Variants in NLRC3 observed in about 807,000 individuals in gnomAD.
NLRC3 encodes the protein NLR family CARD domain-containing protein 3.
NLRC3 carries 87 observed loss-of-function variants against 91.6 expected under a neutral mutation model. The ratio of observed to expected loss-of-function variants is 0.95; its 90% CI spans 0.80 to 1.14. The LOEUF (loss-of-function observed/expected upper bound fraction) is 1.14, where lower values mean the gene tolerates loss of function less well. Ranked by LOEUF, NLRC3 falls within the 50% of genes most tolerant of loss-of-function variation. NLRC3 has a pLI of 0.00. For missense variants in NLRC3, 1,577 were observed against 1,418.6 expected (o/e 1.11, Z -1.79); for synonymous variants, 694 against 625.3 (o/e 1.11, Z -1.64).
Position 3,556,784 on chromosome 16 carries a change from T to G in NLRC3, c.2183+127A>C, listed in dbSNP as rs1037411781. On this transcript the variant is annotated intron_variant, in intron 8 of 19. Coordinates refer to ENST00000359128, the MANE Select transcript of NLRC3 (RefSeq NM_178844.4). ...TCCCAAAGGGTTGGGATTACAGATG[T>G]GAGCCACTGTGCCCGGCCCCATGCC... 3.1e-5 allele frequency: 21 copies of G among 671,062 alleles called. No individual in the cohort carries two copies. In the African/African-American group the frequency reaches 3.6e-4, roughly 12 times the overall value. 41.6% of individuals were successfully genotyped at this position (671,062 alleles called of 1,614,324 possible). A position where few individuals can be genotyped will look rare whatever the true frequency, so the allele number is the denominator to read the frequency against.
chr16:3,574,798 C>T (rs530729043), intron 1 of NLRC3, among the ~76,000 whole-genome samples: 3 of 152,134 alleles, frequency 2.0e-5, no homozygotes, highest in East Asian at 3.9e-4. Context: ...CCCATCTCTA[C>T]GAAAAATACA....
At chr16:3,575,984 C>A (rs1305549519) in intron 1 of NLRC3, among the ~76,000 whole-genome samples, 1 of 152,166 alleles carries the variant, frequency 6.6e-6, no homozygotes, top group African/African-American at 2.4e-5. Flanking sequence ...AAAAGCCTTC[C>A]CGAAGGAAGA....
intron 13 of NLRC3, 60 bp from the exon 14 acceptor site, chr16:3,548,813 T>C: frequency 1.7e-6 from 2 of 1,206,318 alleles, no homozygotes; most frequent in Non-Finnish European, 2.4e-6. Flanking sequence ...CTCCGGTCCT[T>C]GGTCACCAGG....
intron 15 of NLRC3, among the ~76,000 whole-genome samples, chr16:3,546,689 C>T (rs963581299): frequency 1.3e-5 from 2 of 152,176 alleles, no homozygotes; most frequent in South Asian, 2.1e-4. Flanking sequence ...AATGCAGGGA[C>T]CCTGCACCCG....
At chr16:3,552,593 C>A (rs1366013737) in intron 9 of NLRC3, among the ~76,000 whole-genome samples, 1 of 152,142 alleles carries the variant, frequency 6.6e-6, no homozygotes, top group African/African-American at 2.4e-5. Flanking sequence ...CTCTCTGGTG[C>A]CTTACCTGCA....
chr16:3,553,509 C>G (rs1045383410), intron 9 of NLRC3, among the ~76,000 whole-genome samples: 1 of 152,144 alleles, frequency 6.6e-6, no homozygotes, highest in Admixed American at 6.6e-5. Context: ...TTAGGATAAA[C>G]GGCAAATGGT....
intron 13 of NLRC3, 122 bp downstream of exon 13, chr16:3,549,020 C>A (rs1217188875): frequency 3.8e-6 from 3 of 793,624 alleles, no homozygotes; most frequent in Non-Finnish European, 6.4e-6. Flanking sequence ...CCTGGCTGCA[C>A]CCTCCCCAGC....
At chr16:3,555,951 T>C (rs2039294371) in intron 8 of NLRC3, 1 of 147,638 alleles carries the variant, frequency 6.8e-6, no homozygotes, top group African/African-American at 2.5e-5. Context: ...AATAAATAAA[T>C]AAATAAATAA....
Position 3,539,146 on chromosome 16 carries a change from C to G in NLRC3, c.*2679G>C, listed in dbSNP as rs1197522329. 6.6e-6 allele frequency: 1 copy of G among 152,064 alleles called. No individual in the cohort carries two copies. Among genetic ancestry groups the G allele is most frequent in the Non-Finnish European group, 1.5e-5 (1 of 68,016 alleles). The allele number at this position is 152,064 out of a possible 1,614,324, so 9.4% of individuals were successfully genotyped here. ...TTTAGCGTACAAGAAGAAATAGATCCCTCTCATTAGCACTTTAATATCAGT... is the reference window on the plus strand; with the variant it reads ...TTTAGCGTACAAGAAGAAATAGATCGCTCTCATTAGCACTTTAATATCAGT... On this transcript the variant is annotated 3_prime_UTR_variant, in exon 20 of 20. Coordinates refer to ENST00000359128, the MANE Select transcript of NLRC3 (RefSeq NM_178844.4).
chr16:3,547,729 C>T (rs148064958), intron 15 of NLRC3, among the ~76,000 whole-genome samples: 9 of 152,236 alleles, frequency 5.9e-5, no homozygotes, highest in Non-Finnish European at 1.0e-4. Flanking sequence ...AGTGCAGTGA[C>T]GCGATCTCTG....
At chr16:3,561,085 C>T (rs1010296535) in intron 6 of NLRC3, among the ~76,000 whole-genome samples, 1 of 151,934 alleles carries the variant, frequency 6.6e-6, no homozygotes, top group Admixed American at 6.6e-5. Flanking sequence ...GGTGCAGTAG[C>T]TCACGCCAGT....
Position 3,541,899 on chromosome 16 carries a change from T to G in NLRC3, c.3124A>C (p.Ile1042Leu). 1 of 1,609,868 alleles carries G rather than the reference T, an allele frequency of 6.2e-7. No individual in the cohort carries two copies. Among genetic ancestry groups the G allele is most frequent in the Non-Finnish European group, 8.5e-7 (1 of 1,177,106 alleles). ...LQHINLQGNH[I>L]GDSGARMISE... The stretch of plus-strand genomic sequence containing the variant: ...ATCATCCTGGCCCCGGAGTCCCCAA[T>G]GTGGTTTCCCTGGAGACTAGAAGAG... Residue 1042 changes from isoleucine to leucine, a missense_variant, in exon 20 of 20, where the codon ATT (isoleucine) becomes CTT (leucine). By Grantham distance (5) the Ile-to-Leu change is conservative. Coordinates refer to ENST00000359128, the MANE Select transcript of NLRC3 (RefSeq NM_178844.4).
At position 3,563,924 on chromosome 16, in the gene NLRC3, G is replaced by A. The variant is rs555002857; in HGVS notation, c.1013C>T (p.Ala338Val). ...CCTGCTGCGCCACAGGTGGCCTAGC[G>A]CCATCCCCGTGAGCCTGCAGAAGGC... ...VPAFCRLTGM[A>V]LGHLWRSRTG... Residue 338 changes from alanine to valine, a missense_variant, in exon 5 of 20, where the codon GCG becomes GTG. Coordinates refer to ENST00000359128, the MANE Select transcript of NLRC3 (RefSeq NM_178844.4). The A allele has an allele frequency of 1.6e-5, 26 of 1,593,310 alleles. No homozygotes were observed. The highest frequency in any genetic ancestry group is 8.0e-5 in the South Asian group (7 of 87,986).
At position 3,564,570 on chromosome 16, in the gene NLRC3, C is replaced by A. The variant is rs200381538; in HGVS notation, c.367G>T (p.Ala123Ser). The A allele has an allele frequency of 1.2e-6, 2 of 1,611,464 alleles. No homozygotes were observed. Among genetic ancestry groups the A allele is most frequent in the Admixed American group, 1.7e-5 (1 of 59,962 alleles). ...RGGGHPARTV[A>S]LDRLFLPLSR... The stretch of plus-strand genomic sequence containing the variant: ...AGAGGCAGGAAGAGCCGGTCCAGGG[C>A]GACGGTCCTGGCGGGGTGCCCGCCC... The change falls in exon 5 of 20, where the codon GCC becomes TCC. Residue 123 changes from alanine to serine, a missense_variant. Ala to Ser is a moderately conservative substitution (Grantham distance 99, BLOSUM62 1). Coordinates refer to ENST00000359128, the MANE Select transcript of NLRC3 (RefSeq NM_178844.4). The surrounding 1 kb of genome is among the most constrained non-coding windows in gnomAD (Gnocchi z 5.9).
chr16:3,543,443 C>T lies in NLRC3; in HGVS notation c.2921G>A (p.Arg974Lys). ...TACTTACTCGAGAATCTCCAAGGTT[C>T]TGTTCACAGCCAAGGCTTCCCCTAG... The part of the protein sequence containing the change: ...QVLGEALAVN[R>K]TLEILDLRGN... Residue 974 changes from arginine (R) to lysine (K), a missense_variant, in exon 17 of 20, where the codon AGA (arginine) becomes AAA (lysine). Physicochemically the swap from Arg to Lys is conservative, Grantham distance 26. Coordinates refer to ENST00000359128, the MANE Select transcript of NLRC3 (RefSeq NM_178844.4). 1 of 1,612,278 alleles carries T rather than the reference C, an allele frequency of 6.2e-7. No homozygotes were observed. Among genetic ancestry groups the T allele is most frequent in the Non-Finnish European group, 8.5e-7 (1 of 1,178,876 alleles).
At chr16:3,551,155 T>C (rs2038975466) in intron 10 of NLRC3, among the ~76,000 whole-genome samples, 1 of 144,420 alleles carries the variant, frequency 6.9e-6, no homozygotes, top group Non-Finnish European at 1.5e-5. Flanking sequence ...TCACCTATTC[T>C]CCACTAATTC....
intron 9 of NLRC3, 55 bp downstream of exon 9, chr16:3,554,187 T>C: frequency 7.3e-7 from 1 of 1,365,644 alleles, no homozygotes; most frequent in Non-Finnish European, 1.0e-6. Context: ...AGAGAGGCCC[T>C]TGGAGGAGGA....
rs2038367530 is a variant in NLRC3 at position 3,540,922 on chromosome 16, G to C, written c.*903C>G. 1 of 152,082 alleles carries C rather than the reference G, an allele frequency of 6.6e-6. No homozygotes were observed. Among genetic ancestry groups the C allele is most frequent in the Non-Finnish European group, 1.5e-5 (1 of 68,038 alleles). The allele number at this position is 152,082 out of a possible 1,614,324, so 9.4% of individuals were successfully genotyped here. A position where few individuals can be genotyped will look rare whatever the true frequency, so the allele number is the denominator to read the frequency against. On this transcript the variant is annotated 3_prime_UTR_variant, in exon 20 of 20. Coordinates refer to ENST00000359128, the MANE Select transcript of NLRC3 (RefSeq NM_178844.4). ...TTGATTTTGTAATAAATAAAAAATG[G>C]GGCCAGGTGTGGTGGCTCATGCCTG... is the stretch of plus-strand genomic sequence containing the variant.
chr16:3,562,372 G>A (rs2039651063), intron 5 of NLRC3, among the ~76,000 whole-genome samples: 1 of 152,176 alleles, frequency 6.6e-6, no homozygotes, highest in South Asian at 2.1e-4. Context: ...CAGGTGCAGT[G>A]GCTCAGGCCT....
Sources: gnomAD v4.1 joint callset for allele counts (sites outside exome capture counted in the v4.1 genomes callset) on GRCh38, gnomAD v4.1.1 for gene constraint, Gnocchi (gnomAD v3.1) non-coding constraint, MANE v1.5 for transcripts, NCBI Gene and HGNC (gene_info 2026-07-23, HGNC 2026-07-21) for gene names.